ESRRG: variants seen among roughly 807,000 people sequenced by gnomAD.
ESRRG encodes the protein estrogen related receptor gamma, also known as estrogen-related receptor gamma.
In ESRRG, 13 loss-of-function variants were observed where a neutral mutation model predicts 44.0. The observed-to-expected ratio is 0.30, with a 90% CI of 0.19 to 0.47. The LOEUF (loss-of-function observed/expected upper bound fraction) is 0.47, where lower values mean the gene tolerates loss of function less well. Among genes scored for constraint, ESRRG ranks in the 20% least tolerant of loss-of-function variants. The probability of loss-of-function intolerance (pLI) is 1.00; values close to 1 mark genes in which losing one functional copy is unlikely to be tolerated. For missense variants in ESRRG, 395 were observed against 580.6 expected, an observed-to-expected ratio of 0.68 and a Z score of 3.29; for synonymous variants, 215 against 214.6, an observed-to-expected ratio of 1.00 and a Z score of -0.02.
At chr1:217,067,342 G>T (rs11589646) in intron 1 of ESRRG, among the ~76,000 whole-genome samples, 9,331 of 152,202 alleles carry the variant, frequency 0.061, 383 homozygotes, top group African/African-American at 0.1. Context: ...GAGTCAACTC[G>T]AATGTACAAA....
chr1:217,115,096 T>C (rs2092706878), intron 1 of ESRRG, among the ~76,000 whole-genome samples: 1 of 152,168 alleles, frequency 6.6e-6, no homozygotes. Flanking sequence ...TACTCCTCCC[T>C]TTAAAAATTC....
intron 1 of ESRRG, among the ~76,000 whole-genome samples, chr1:216,946,362 A>T (rs553977599): frequency 1.2e-4 from 19 of 152,278 alleles, no homozygotes; most frequent in African/African-American, 3.8e-4. Flanking sequence ...TATCTTTAAC[A>T]CTTCTGAAAA....
At chr1:217,046,210 C>T (rs1031086104) in intron 1 of ESRRG, among the ~76,000 whole-genome samples, 1 of 151,460 alleles carries the variant, frequency 6.6e-6, no homozygotes, top group Admixed American at 6.6e-5. Flanking sequence ...CTACTTATAC[C>T]CCTGATGGAT....
At chr1:217,001,315 T>G (rs933869087) in intron 1 of ESRRG, among the ~76,000 whole-genome samples, 1 of 152,210 alleles carries the variant, frequency 6.6e-6, no homozygotes, top group African/African-American at 2.4e-5. Context: ...CCACACTTGA[T>G]TACCGTCTTT....
chr1:216,759,736 A>G (rs1214859795), intron 2 of ESRRG, among the ~76,000 whole-genome samples: 4 of 152,130 alleles, frequency 2.6e-5, no homozygotes, highest in Non-Finnish European at 5.9e-5. Flanking sequence ...TACTATACTA[A>G]TAGAACAATT....
At chr1:216,538,592 G>A (rs757594020) in intron 5 of ESRRG, among the ~76,000 whole-genome samples, 15 of 152,180 alleles carry the variant, frequency 9.9e-5, no homozygotes, top group Non-Finnish European at 1.9e-4. Flanking sequence ...TGAGAAGCTT[G>A]AAGAGTTTGA....
At chr1:216,727,412 A>G (rs1370496452), upstream of ESRRG, among the ~76,000 whole-genome samples, 1 of 152,158 alleles carries the variant, frequency 6.6e-6, no homozygotes, top group Admixed American at 6.5e-5. Context: ...GCAAGGCACC[A>G]GGCTCCCTTC....
chr1:216,912,119 A>AGAAAAGAAAG (rs2060389480), intron 2 of ESRRG, among the ~76,000 whole-genome samples: 1 of 13,156 alleles, frequency 7.6e-5, no homozygotes, highest in Non-Finnish European at 1.3e-4. Context: ...AGAAAAGAAA[A>AGAAAAGAAAG]GAAAAGAAAA....
intron 2 of ESRRG, among the ~76,000 whole-genome samples, chr1:216,915,601 A>AACAC: frequency 6.6e-6 from 1 of 152,130 alleles, no homozygotes; most frequent in South Asian, 2.1e-4. Context: ...CAAACAAACA[A>AACAC]ACCCTGGAAA....
At chr1:216,877,833 T>C (rs976082753) in intron 2 of ESRRG, among the ~76,000 whole-genome samples, 1 of 152,234 alleles carries the variant, frequency 6.6e-6, no homozygotes, top group South Asian at 2.1e-4. Flanking sequence ...ATTTGCTATG[T>C]ACACACCTAG....
At chr1:217,100,992 T>C (rs2092502813) in intron 1 of ESRRG, among the ~76,000 whole-genome samples, 1 of 152,230 alleles carries the variant, frequency 6.6e-6, no homozygotes, top group Non-Finnish European at 1.5e-5. Flanking sequence ...ATTCATTCAC[T>C]GACATAGCAT....
intron 2 of ESRRG, among the ~76,000 whole-genome samples, chr1:216,748,991 A>C (rs1362473542): frequency 1.3e-5 from 2 of 152,100 alleles, no homozygotes. Flanking sequence ...CACCTGCTTA[A>C]ATCAAATCTC....
intron 2 of ESRRG, among the ~76,000 whole-genome samples, chr1:216,664,550 A>G (rs894550329): frequency 1.3e-5 from 2 of 151,058 alleles, no homozygotes; most frequent in African/African-American, 4.8e-5. Flanking sequence ...TACATTATCC[A>G]TATATATAAA....
intron 4 of ESRRG, among the ~76,000 whole-genome samples, chr1:216,566,878 T>C (rs946723538): frequency 6.6e-6 from 1 of 152,232 alleles, no homozygotes; most frequent in Admixed American, 6.5e-5. Flanking sequence ...TTTAATTTTA[T>C]GTAAAACTGG....
chr1:216,647,280 A>C (rs2067824974), intron 3 of ESRRG, among the ~76,000 whole-genome samples: 3 of 152,166 alleles, frequency 2.0e-5, no homozygotes, highest in Admixed American at 1.3e-4. Flanking sequence ...ATGACAAAAA[A>C]ATAATGCTGG....
At chr1:216,714,346 CAG>C (rs2084325074) in intron 1 of ESRRG, among the ~76,000 whole-genome samples, 2 of 151,994 alleles carry the variant, frequency 1.3e-5, no homozygotes, top group African/African-American at 4.8e-5. Context: ...TGAATAGAAA[CAG>C]AAATTGTAAA....
At chr1:216,986,840 G>A (rs562715289) in intron 1 of ESRRG, among the ~76,000 whole-genome samples, 7 of 152,128 alleles carry the variant, frequency 4.6e-5, no homozygotes, top group Non-Finnish European at 1.0e-4. Context: ...CTTGAATAGA[G>A]TTTTTCCAAA....
At chr1:216,760,529 G>C (rs145036738) in intron 2 of ESRRG, among the ~76,000 whole-genome samples, 2,184 of 152,126 alleles carry the variant, frequency 0.014, 26 homozygotes, top group Non-Finnish European at 0.022. Flanking sequence ...CTTGAGCTCA[G>C]GAGTTTGAGG....
At chr1:216,601,407 C>G (rs1212477771) in intron 3 of ESRRG, among the ~76,000 whole-genome samples, 1 of 152,164 alleles carries the variant, frequency 6.6e-6, no homozygotes, top group Admixed American at 6.5e-5. Context: ...AGGGGGGCTC[C>G]AAGCATCCTA....
Sources: gnomAD v4.1 joint callset for allele counts (sites outside exome capture counted in the v4.1 genomes callset) on GRCh38, gnomAD v4.1.1 for gene constraint, MANE v1.5 for transcripts, NCBI Gene and HGNC (gene_info 2026-07-23, HGNC 2026-07-21) for gene names.